The following KIF5A variants were observed in gnomAD, a reference collection of about 807,000 sequenced individuals.
KIF5A encodes the protein kinesin family member 5A.
Under a neutral mutation model 141.3 loss-of-function variants are expected in KIF5A, and 35 were observed. That is an observed-to-expected ratio of 0.25 (90% CI 0.19 to 0.33). The LOEUF is 0.33. Among genes scored for constraint, KIF5A ranks in the 10% least tolerant of loss-of-function variants. The pLI, the probability that KIF5A is intolerant of heterozygous loss-of-function variation, is 1.00. For missense variants in KIF5A, 861 were observed against 1,314.3 expected (o/e 0.66, Z 5.33); for synonymous variants, 448 against 500.2 (o/e 0.90, Z 1.39).
intron 6 of KIF5A, among the ~76,000 whole-genome samples, chr12:57,565,281 C>T (rs1305816079): frequency 6.6e-6 from 1 of 151,712 alleles, no homozygotes; most frequent in Non-Finnish European, 1.5e-5. Flanking sequence ...ATTAACTGGG[C>T]GTGGTGGCAC....
Position 57,556,091 on chromosome 12 carries a change from GCTTT to G in KIF5A, c.129+5693_129+5696del, listed in dbSNP as rs1254494620. 1.6e-4 allele frequency among the ~76,000 whole-genome samples: 24 copies of G among 151,784 alleles called. No individual in the cohort carries two copies. The South Asian group carries it at 4.8e-3, about 30-fold the overall frequency. On this transcript the variant is annotated intron_variant, in intron 1 of 28. Coordinates refer to ENST00000455537, the MANE Select transcript of KIF5A (RefSeq NM_004984.4). ...CTGAAATCATATCTCATGTCACATG[GCTTT>G]CCCTGCTCAGGAGATTACTAAATGC... is the stretch of plus-strand genomic sequence containing the variant.
At position 57,576,854 on chromosome 12, in the gene KIF5A, G is replaced by A; in HGVS notation, c.2292G>A (p.Gln764=). Residue 764 remains glutamine, a synonymous_variant, in exon 20 of 29, where the codon CAG becomes CAA. Coordinates refer to ENST00000455537, the MANE Select transcript of KIF5A (RefSeq NM_004984.4). ...SEEHEKSTKL[Q]ELTFLYERHE... is the part of the protein sequence containing the mutation. ...AACACGAGAAGAGCACCAAGCTGCA[G>A]GAGCTGACGTGAGTGGCATGGATTT... The A allele has an allele frequency of 6.2e-7, 1 of 1,613,036 alleles. No individual in the cohort carries two copies. The highest frequency in any genetic ancestry group is 1.1e-5 in the South Asian group (1 of 91,004).
chr12:57,578,928 G>A (rs901866360), intron 23 of KIF5A, among the ~76,000 whole-genome samples: 1 of 152,150 alleles, frequency 6.6e-6, no homozygotes, highest in Non-Finnish European at 1.5e-5. Context: ...GCCGGATGTG[G>A]TGGCACACAC....
In KIF5A at chr12:57,563,422, T is replaced by C; in HGVS notation, c.130-17T>C. ...ATCCTGCCTGTTGACGTCTGATATC[T>C]TTTATTTTCATTCCAGGGGAAGCCA... is the stretch of plus-strand genomic sequence containing the variant. On this transcript the variant is annotated splice_polypyrimidine_tract_variant and intron_variant, in intron 1 of 28. Coordinates refer to ENST00000455537, the MANE Select transcript of KIF5A (RefSeq NM_004984.4). The C allele has an allele frequency of 1.9e-6, 3 of 1,592,296 alleles. No homozygotes were observed. Among genetic ancestry groups the C allele is most frequent in the African/African-American group, 1.3e-5 (1 of 74,596 alleles).
intron 9 of KIF5A, 32 bp from the exon 10 acceptor site, chr12:57,569,224 A>G (rs1882166557): frequency 6.2e-7 from 1 of 1,612,196 alleles, no homozygotes; most frequent in African/African-American, 1.3e-5. Flanking sequence ...TTATTTGTTT[A>G]TTTCTGATTC....
intron 23 of KIF5A, among the ~76,000 whole-genome samples, chr12:57,579,376 A>G (rs1275785939): frequency 6.6e-6 from 1 of 152,148 alleles, no homozygotes; most frequent in African/African-American, 2.4e-5. Context: ...ACCCTAACCT[A>G]TACTTCATTC....
intron 12 of KIF5A, 103 bp from the exon 13 acceptor site, chr12:57,571,218 A>C: frequency 1.3e-6 from 1 of 776,718 alleles, no homozygotes; most frequent in Non-Finnish European, 2.3e-6. Context: ...AGCTTATACT[A>C]TCTGGATTTT....
chr12:57,550,051 C>G lies in KIF5A; in HGVS notation c.-221C>G. The G allele has an allele frequency of 1.8e-6, 1 of 569,086 alleles. No individual in the cohort carries two copies. The highest frequency in any genetic ancestry group is 3.1e-6 in the Non-Finnish European group (1 of 319,814). The allele number at this position is 569,086 out of a possible 1,614,324, so 35.3% of individuals were successfully genotyped here. On this transcript the variant is annotated 5_prime_UTR_variant, in exon 1 of 29. Transcript: ENST00000455537. This position sits in a 1 kb window ranked among gnomAD's most constrained non-coding sequence, Gnocchi z 4.6. ...CGCGAGGGGCGGAGAGGCAGAGAGC[C>G]CGAAAGGACCAGACGCCCAGGTCGC...
chr12:57,576,665 C>T, intron 19 of KIF5A, 96 bp from the exon 20 acceptor site: 1 of 917,544 alleles, frequency 1.1e-6, no homozygotes, highest in Non-Finnish European at 1.8e-6. Context: ...ACTGGACTCA[C>T]TCGTTCAAAA....
chr12:57,559,917 A>T (rs1376997662), intron 1 of KIF5A, among the ~76,000 whole-genome samples: 2 of 152,096 alleles, frequency 1.3e-5, no homozygotes, highest in East Asian at 3.8e-4. Flanking sequence ...TTTGGGACAG[A>T]GTTGCACTTT....
chr12:57,581,561 G>A lies in KIF5A; in HGVS notation c.2902G>A (p.Asp968Asn). ...YLQATPSSTS[D>N]MYFANSCTSS... Reference sequence around the variant, plus strand: ...GCAGGCCACACCCAGCTCCACCTCAGATATGTAGTGAGTGACCACACGTGT... The same window carrying A: ...GCAGGCCACACCCAGCTCCACCTCAAATATGTAGTGAGTGACCACACGTGT... The change falls in exon 25 of 29, where the codon GAT (aspartate) becomes AAT (asparagine). Residue 968 changes from aspartate to asparagine, a missense_variant. Transcript: ENST00000455537. 6.2e-7 allele frequency: 1 copy of A among 1,614,026 alleles called. No homozygotes were observed. Among genetic ancestry groups the A allele is most frequent in the South Asian group, 1.1e-5 (1 of 91,086 alleles).
At chr12:57,551,072 C>A (rs750363419) in intron 1 of KIF5A, among the ~76,000 whole-genome samples, 1 of 151,868 alleles carries the variant, frequency 6.6e-6, no homozygotes, top group Non-Finnish European at 1.5e-5. Context: ...TTTCAGATTC[C>A]CCAACTGACC....
At position 57,572,574 on chromosome 12, in the gene KIF5A, C is replaced by T. The variant is rs1882289301; in HGVS notation, c.1570-6C>T. The T allele has an allele frequency of 3.1e-6, 5 of 1,614,028 alleles. No individual in the cohort carries two copies. Among genetic ancestry groups the T allele is most frequent in the Non-Finnish European group, 4.2e-6 (5 of 1,180,040 alleles). On this transcript the variant is annotated splice_polypyrimidine_tract_variant and splice_region_variant and intron_variant, in intron 14 of 28. Transcript: ENST00000455537. The surrounding 1 kb of genome is among the most constrained non-coding windows in gnomAD (Gnocchi z 4.2). ...CAACAGGAATGACCTGAGGGGCTGT[C>T]CCCAGGCCACCATGCTGTCCCTGGA...
intron 1 of KIF5A, among the ~76,000 whole-genome samples, chr12:57,561,231 G>C (rs757824209): frequency 7.3e-5 from 11 of 151,538 alleles, no homozygotes; most frequent in Non-Finnish European, 1.6e-4. Flanking sequence ...GTAGAGATGG[G>C]GTTTCACCAT....
chr12:57,575,739 G>A lies in KIF5A; in HGVS notation c.2005G>A (p.Ala669Thr), dbSNP rs142495781. ...ESYDSLSDEL[A>T]KLQAQETVHE... ...CTATGACTCCTTGAGCGATGAGCTGGCCAAGCTCCAGGCCCAGGGTGAGGC... is the reference window on the plus strand; with the variant it reads ...CTATGACTCCTTGAGCGATGAGCTGACCAAGCTCCAGGCCCAGGGTGAGGC... The change falls in exon 17 of 29, where the codon GCC (alanine) becomes ACC (threonine). Residue 669 changes from alanine (A) to threonine (T), a missense_variant. Around this residue, in one of 5 missense-constraint regions of KIF5A, gnomAD observed 482 missense variants for 661.3 expected, o/e 0.73. Transcript: ENST00000455537. 6.2e-7 allele frequency: 1 copy of A among 1,613,784 alleles called. No individual in the cohort carries two copies. Among genetic ancestry groups the A allele is most frequent in the African/African-American group, 1.3e-5 (1 of 75,034 alleles).
At chr12:57,581,695 A>G (rs1185943336) in intron 25 of KIF5A, 127 bp downstream of exon 25, 6 of 1,280,804 alleles carry the variant, frequency 4.7e-6, no homozygotes, top group Admixed American at 1.8e-5. Flanking sequence ...CTTCATGCCT[A>G]TGATTAGAAG....
chr12:57,582,060 G>C, intron 26 of KIF5A, 108 bp downstream of exon 26: 2 of 906,708 alleles, frequency 2.2e-6, no homozygotes, highest in Non-Finnish European at 3.6e-6. Flanking sequence ...AACCTTTCTG[G>C]TGTGCCAAGG....
At position 57,581,090 on chromosome 12, in the gene KIF5A, C is replaced by G. The variant is rs760532624; in HGVS notation, c.2673C>G (p.Arg891=). The change falls in exon 24 of 29, where the codon CGC becomes CGG. Residue 891 remains arginine (R), a synonymous_variant. Coordinates refer to ENST00000455537, the MANE Select transcript of KIF5A (RefSeq NM_004984.4). ...AGGAGGGCGCCATGAAGGACAAGCG[C>G]CGGTACCAGCAGGAGGTGGACCGCA... ...EAKEGAMKDK[R]RYQQEVDRIK... is the part of the protein sequence containing the mutation. 1 of 1,614,120 alleles carries G rather than the reference C, an allele frequency of 6.2e-7. No individual in the cohort carries two copies. Among genetic ancestry groups the G allele is most frequent in the South Asian group, 1.1e-5 (1 of 91,080 alleles).
At position 57,583,358 on chromosome 12, in the gene KIF5A, C is replaced by A. The variant is rs1882665476; in HGVS notation, c.*36+143C>A. On this transcript the variant is annotated intron_variant, in intron 28 of 28. Coordinates refer to ENST00000455537, the MANE Select transcript of KIF5A (RefSeq NM_004984.4). ...GTAGTTACCCCTCAACTCCTGCTTT[C>A]CCCTGTTGGGGGCTACACCTGTGCT... 4.7e-6 allele frequency: 3 copies of A among 640,142 alleles called. No individual in the cohort carries two copies. The African/African-American group carries it at 5.5e-5, about 12-fold the overall frequency. 39.7% of individuals were successfully genotyped at this position (640,142 alleles called of 1,614,324 possible).
Sources: allele counts gnomAD v4.1 joint callset (sites outside exome capture counted in the v4.1 genomes callset), GRCh38; gene constraint gnomAD v4.1.1; regional missense constraint gnomAD v4.1.1; non-coding constraint Gnocchi (gnomAD v3.1); transcripts MANE v1.5; gene names NCBI Gene and HGNC (gene_info 2026-07-23, HGNC 2026-07-21).